ADGB: variants seen among roughly 807,000 people sequenced by gnomAD.
The protein encoded by ADGB is androglobin.
Under a neutral mutation model 210.5 loss-of-function variants are expected in ADGB, and 172 were observed. That is an observed-to-expected ratio of 0.82 (90% CI 0.72 to 0.93). ADGB has a LOEUF of 0.93. ADGB is among the 40% of genes least tolerant of loss of function. The pLI is 0.00. For synonymous variants in ADGB, 658 were observed against 662.7 expected, an observed-to-expected ratio of 0.99 and a Z score of 0.11; for missense variants, 2,025 against 1,964.8, an observed-to-expected ratio of 1.03 and a Z score of -0.58.
chr6:146,800,407 G>T (rs1336145876), intron 33 of ADGB, among the ~76,000 whole-genome samples: 1 of 152,140 alleles, frequency 6.6e-6, no homozygotes, highest in South Asian at 2.1e-4. Flanking sequence ...ATCTTATTTG[G>T]ATGATGAAAA....
intron 2 of ADGB, among the ~76,000 whole-genome samples, chr6:146,640,753 A>T (rs1463147334): frequency 1.3e-5 from 2 of 151,980 alleles, no homozygotes; most frequent in African/African-American, 4.8e-5. Context: ...GTATTGAAGG[A>T]TCATACCTCA....
chr6:146,764,903 G>A (rs899288449), intron 28 of ADGB, among the ~76,000 whole-genome samples: 8 of 152,124 alleles, frequency 5.3e-5, no homozygotes, highest in Admixed American at 1.3e-4. Flanking sequence ...GGGTTCAAGC[G>A]ATTCTCCTGC....
chr6:146,648,971 T>C (rs916294956), intron 3 of ADGB, among the ~76,000 whole-genome samples: 1 of 151,838 alleles, frequency 6.6e-6, no homozygotes, highest in African/African-American at 2.4e-5. Flanking sequence ...TTAAACCCAT[T>C]TTAGTTGGAA....
chr6:146,624,035 T>A (rs1780937573), intron 1 of ADGB, among the ~76,000 whole-genome samples: 1 of 151,890 alleles, frequency 6.6e-6, no homozygotes. Flanking sequence ...TCCAGTTTTC[T>A]TTTATTTTGA....
chr6:146,686,080 A>AC (rs1776228732), intron 10 of ADGB, among the ~76,000 whole-genome samples: 1 of 152,066 alleles, frequency 6.6e-6, no homozygotes, highest in Admixed American at 6.6e-5. Context: ...GTCACTTTTA[A>AC]TTTTTATAGA....
intron 19 of ADGB, among the ~76,000 whole-genome samples, chr6:146,727,596 C>G (rs944420899): frequency 2.0e-5 from 3 of 152,046 alleles, no homozygotes; most frequent in African/African-American, 7.2e-5. Flanking sequence ...CTCACATTTC[C>G]CTGGAGATAT....
At chr6:146,808,846 T>C (rs945920546) in intron 35 of ADGB, among the ~76,000 whole-genome samples, 2 of 126,952 alleles carry the variant, frequency 1.6e-5, no homozygotes, top group African/African-American at 7.0e-5. Flanking sequence ...GTTGGGGTGA[T>C]CATACCCAAC....
At chr6:146,761,817 G>A (rs1369717831) in intron 27 of ADGB, among the ~76,000 whole-genome samples, 1 of 152,082 alleles carries the variant, frequency 6.6e-6, no homozygotes, top group Non-Finnish European at 1.5e-5. Context: ...CTGGAAGGCA[G>A]AAGTCTGAAA....
chr6:146,737,438 A>C (rs1238296211), intron 23 of ADGB, among the ~76,000 whole-genome samples: 3 of 152,284 alleles, frequency 2.0e-5, no homozygotes, highest in South Asian at 2.1e-4. Context: ...GGGTATTCTC[A>C]GAAATCTTAG....
In ADGB at chr6:146,716,987, T is replaced by A. The variant is rs1776745706; in HGVS notation, c.1846T>A (p.Ser616Thr). Reference sequence around the variant, plus strand: ...CCAGACCACAGCAACACAGGAAAAGTCACAGGAAGAACTTCCAACAACAAA... The same window carrying A: ...CCAGACCACAGCAACACAGGAAAAGACACAGGAAGAACTTCCAACAACAAA... ...VSQTTATQEK[S>T]QEELPTTNNS... Residue 616 changes from serine (S) to threonine (T), a missense_variant, in exon 15 of 36, where the codon TCA (serine) becomes ACA (threonine). Coordinates refer to ENST00000397944, the MANE Select transcript of ADGB (RefSeq NM_024694.4). 1 of 1,551,482 alleles carries A rather than the reference T, an allele frequency of 6.4e-7. No individual in the cohort carries two copies. The highest frequency in any genetic ancestry group is 8.7e-7 in the Non-Finnish European group (1 of 1,146,952).
At chr6:146,774,808 T>G (rs1321610119) in intron 29 of ADGB, among the ~76,000 whole-genome samples, 1 of 152,180 alleles carries the variant, frequency 6.6e-6, no homozygotes, top group Non-Finnish European at 1.5e-5. Context: ...ATTCAGTTAC[T>G]AATGTCTTTA....
intron 2 of ADGB, among the ~76,000 whole-genome samples, chr6:146,641,110 C>A (rs553690875): frequency 6.6e-6 from 1 of 151,864 alleles, no homozygotes; most frequent in Non-Finnish European, 1.5e-5. Context: ...TATTCCTATA[C>A]GCCAACAATA....
chr6:146,814,849 T>C (rs1778359219), intron 35 of ADGB, among the ~76,000 whole-genome samples, 183 bp from the exon 36 acceptor site: 2 of 152,216 alleles, frequency 1.3e-5, no homozygotes, highest in South Asian at 2.1e-4. Context: ...AATCTCATGA[T>C]TTTGTCGCTA....
chr6:146,809,280 AATGCAAACCTC>A, intron 35 of ADGB, among the ~76,000 whole-genome samples: 1 of 152,190 alleles, frequency 6.6e-6, no homozygotes, highest in Non-Finnish European at 1.5e-5. Context: ...ATCTCGGCTC[AATGCAAACCTC>A]CGCCTCCTGA....
intron 3 of ADGB, among the ~76,000 whole-genome samples, chr6:146,647,725 AG>A (rs1411921994): frequency 2.6e-5 from 4 of 152,152 alleles, no homozygotes; most frequent in African/African-American, 7.2e-5. Flanking sequence ...AAGCTGAAGG[AG>A]AAAGTTATCA....
chr6:146,678,015 G>A (rs1331067234), intron 9 of ADGB, among the ~76,000 whole-genome samples: 3 of 152,078 alleles, frequency 2.0e-5, no homozygotes, highest in African/African-American at 7.2e-5. Context: ...TCCTTTATCT[G>A]GCATAAATAT....
chr6:146,620,442 T>C (rs1168944163), intron 1 of ADGB, among the ~76,000 whole-genome samples: 2 of 152,256 alleles, frequency 1.3e-5, no homozygotes, highest in African/African-American at 4.8e-5. Context: ...TCTTGTCCCA[T>C]AATTCTTGTA....
chr6:146,730,435 GTCT>G (rs1776964683), intron 20 of ADGB, among the ~76,000 whole-genome samples: 1 of 152,126 alleles, frequency 6.6e-6, no homozygotes. Flanking sequence ...GCAATATGTA[GTCT>G]TCAAGGAAAA....
intron 32 of ADGB, among the ~76,000 whole-genome samples, chr6:146,787,900 C>G (rs108416): frequency 0.53 from 80,610 of 151,998 alleles, 22,130 homozygotes; most frequent in Admixed American, 0.63. Flanking sequence ...ATCTGGAACA[C>G]TGAATAGACT....
Sources: gnomAD v4.1 joint callset for allele counts (sites outside exome capture counted in the v4.1 genomes callset) on GRCh38, gnomAD v4.1.1 for gene constraint, MANE v1.5 for transcripts, NCBI Gene and HGNC (gene_info 2026-07-23, HGNC 2026-07-21) for gene names.